AKAP6: variants seen among roughly 807,000 people sequenced by gnomAD.
AKAP6 encodes A-kinase anchor protein 6.
A neutral mutation model predicts 188.5 loss-of-function variants in AKAP6; 58 were observed. That is an observed-to-expected ratio of 0.31 (90% CI 0.25 to 0.38). AKAP6 has a LOEUF of 0.38. AKAP6 is among the 10% of genes least tolerant of loss of function. The pLI is 1.00. For missense variants in AKAP6, 2,710 were observed against 2,740.0 expected (o/e 0.99, Z 0.24); for synonymous variants, 989 against 998.6 (o/e 0.99, Z 0.18).
At position 32,824,762 on chromosome 14, in the gene AKAP6, A is replaced by G. The variant is rs2034632929; in HGVS notation, c.6949A>G (p.Met2317Val). 1 of 1,611,596 alleles carries G rather than the reference A, an allele frequency of 6.2e-7. No homozygotes were observed. Among genetic ancestry groups the G allele is most frequent in the African/African-American group, 1.3e-5 (1 of 74,746 alleles). ...CCTTCATGAAAAACGACATAGAAAT[A>G]TGCATAGGTAGAATGTACCCCCTCC... is the stretch of plus-strand genomic sequence containing the variant. Reference protein sequence around the residue: ...LNLHEKRHRNMHR With the variant: ...LNLHEKRHRNVHR Residue 2317 changes from methionine (M) to valine (V), a missense_variant, in exon 13 of 14, where the codon ATG becomes GTG. This residue lies in a region of AKAP6 where 2,473 missense variants were observed against 2,426.1 expected (regional missense o/e 1.02). Coordinates refer to ENST00000280979, the MANE Select transcript of AKAP6 (RefSeq NM_004274.5).
intron 8 of AKAP6, among the ~76,000 whole-genome samples, chr14:32,680,636 A>G (rs999054711): frequency 2.0e-5 from 3 of 152,198 alleles, no homozygotes; most frequent in Admixed American, 6.5e-5. Flanking sequence ...CAAGCATGCT[A>G]AAAAGATTAT....
At chr14:32,511,518 G>A (rs569036219) in intron 2 of AKAP6, among the ~76,000 whole-genome samples, 1 of 152,140 alleles carries the variant, frequency 6.6e-6, no homozygotes, top group African/African-American at 2.4e-5. Flanking sequence ...TGGGACTACA[G>A]GTATGTGCCA....
chr14:32,415,574 G>A (rs1889630808), intron 1 of AKAP6, among the ~76,000 whole-genome samples: 1 of 152,098 alleles, frequency 6.6e-6, no homozygotes, highest in South Asian at 2.1e-4. Flanking sequence ...GAAGTGTACA[G>A]TTCAAAGGTA....
At chr14:32,677,023 G>T (rs765498921) in intron 7 of AKAP6, among the ~76,000 whole-genome samples, 7 of 152,006 alleles carry the variant, frequency 4.6e-5, no homozygotes, top group Middle Eastern at 3.4e-3. Context: ...ACGGGGTTTC[G>T]CCATGTTGGC....
intron 2 of AKAP6, among the ~76,000 whole-genome samples, chr14:32,527,192 T>G (rs1218295193): frequency 6.6e-6 from 1 of 152,224 alleles, no homozygotes; most frequent in Admixed American, 6.5e-5. Context: ...AATAGTACGG[T>G]TTGTAGCCTT....
intron 9 of AKAP6, among the ~76,000 whole-genome samples, chr14:32,723,082 C>G (rs115515056): frequency 0.023 from 3,528 of 152,294 alleles, 120 homozygotes; most frequent in African/African-American, 0.08. Context: ...CGGGCTCCCC[C>G]TCCTGCAAGG....
rs149085996 is a variant in AKAP6 at position 32,512,938 on chromosome 14, A to C, written c.325-22616A>C. ...AGTTTATATAAACTAATTAGCAAAAATTATATGTTGCAATAAACCCTAAGG... is the reference window on the plus strand; with the variant it reads ...AGTTTATATAAACTAATTAGCAAAACTTATATGTTGCAATAAACCCTAAGG... On this transcript the variant is annotated intron_variant, in intron 2 of 13. Transcript: ENST00000280979. Among the ~76,000 whole-genome samples, 205 of 152,334 alleles carry C rather than the reference A, an allele frequency of 1.3e-3. 1 individual carries two copies. The highest frequency in any genetic ancestry group is 2.4e-3 in the Non-Finnish European group (166 of 68,032).
rs558647194 is a variant in AKAP6 at position 32,684,073 on chromosome 14, G to A, written c.2879+5614G>A. 4.6e-5 allele frequency among the ~76,000 whole-genome samples: 7 copies of A among 152,310 alleles called. 1 individual carries two copies. In the South Asian group the frequency reaches 1.5e-3, roughly 32 times the overall value. On this transcript the variant is annotated intron_variant, in intron 8 of 13. Transcript: ENST00000280979. The stretch of plus-strand genomic sequence containing the variant: ...AGAGGAAGAATAACAGGGAGGAAAA[G>A]CAGAGTATTTGAGACATAGTTCTTT...
intron 13 of AKAP6, among the ~76,000 whole-genome samples, chr14:32,826,313 G>A (rs1269730814): frequency 6.6e-6 from 1 of 152,128 alleles, no homozygotes; most frequent in Non-Finnish European, 1.5e-5. Flanking sequence ...AACAAAAGTA[G>A]GAGAGAGAGA....
At chr14:32,640,802 A>T (rs899673532) in intron 7 of AKAP6, among the ~76,000 whole-genome samples, 1 of 152,212 alleles carries the variant, frequency 6.6e-6, no homozygotes. Context: ...AATGACACAG[A>T]AATACTACTG....
At chr14:32,627,085 C>T (rs1448274251) in intron 7 of AKAP6, among the ~76,000 whole-genome samples, 3 of 152,062 alleles carry the variant, frequency 2.0e-5, no homozygotes, top group African/African-American at 7.2e-5. Context: ...TTATATATTT[C>T]CTCAGAGCAA....
intron 2 of AKAP6, among the ~76,000 whole-genome samples, chr14:32,520,838 A>C (rs1178019736): frequency 6.6e-6 from 1 of 152,208 alleles, no homozygotes; most frequent in Non-Finnish European, 1.5e-5. Context: ...TCCCTAACTC[A>C]TTTTATGAGA....
At chr14:32,573,883 C>T (rs1884607215) in intron 4 of AKAP6, among the ~76,000 whole-genome samples, 1 of 152,250 alleles carries the variant, frequency 6.6e-6, no homozygotes, top group South Asian at 2.1e-4. Flanking sequence ...TATAGAGGGG[C>T]ACTTTCTTGG....
At chr14:32,425,825 T>G (rs921957834) in intron 1 of AKAP6, among the ~76,000 whole-genome samples, 9 of 152,210 alleles carry the variant, frequency 5.9e-5, no homozygotes, top group Non-Finnish European at 7.3e-5. Context: ...ATAGTTTCTT[T>G]TGCTGTGCAG....
intron 2 of AKAP6, among the ~76,000 whole-genome samples, chr14:32,510,438 GTATA>G (rs1236692640): frequency 1.2e-5 from 1 of 84,456 alleles, no homozygotes; most frequent in Non-Finnish European, 2.5e-5. Flanking sequence ...ATATATATGT[GTATA>G]TATATATACA....
intron 9 of AKAP6, among the ~76,000 whole-genome samples, chr14:32,710,443 T>C (rs1377395109): frequency 2.0e-5 from 3 of 152,062 alleles, no homozygotes; most frequent in African/African-American, 7.2e-5. Flanking sequence ...ATAAAGTTTT[T>C]AAACATAAAA....
chr14:32,687,141 G>A (rs2139667940), intron 8 of AKAP6, among the ~76,000 whole-genome samples: 1 of 152,268 alleles, frequency 6.6e-6, no homozygotes, highest in African/African-American at 2.4e-5. Flanking sequence ...GCCTCTATAT[G>A]TGTGTGAAAG....
rs143571406 is a variant in AKAP6, at chr14:32,792,121, T to G, written c.3588+18228T>G. On this transcript the variant is annotated intron_variant, in intron 12 of 13. Coordinates refer to ENST00000280979, the MANE Select transcript of AKAP6 (RefSeq NM_004274.5). ...CTCTGTGGGCTCTTTTTTGGTTCCA[T>G]ATGAAATTTAAAGTAGTTTTTTCTA... Among the ~76,000 whole-genome samples the G allele has an allele frequency of 1.6e-3, 250 of 152,316 alleles. 2 individuals are homozygous for G. In the East Asian group the frequency reaches 0.025, roughly 15 times the overall value.
intron 5 of AKAP6, among the ~76,000 whole-genome samples, chr14:32,594,560 A>G (rs1054390492): frequency 6.6e-6 from 1 of 152,118 alleles, no homozygotes; most frequent in South Asian, 2.1e-4. Context: ...TCCTCTTTGG[A>G]TGGCATTGTG....
Sources: allele counts gnomAD v4.1 joint callset (sites outside exome capture counted in the v4.1 genomes callset), GRCh38; gene constraint gnomAD v4.1.1; regional missense constraint gnomAD v4.1.1; transcripts MANE v1.5; gene names NCBI Gene and HGNC (gene_info 2026-07-23, HGNC 2026-07-21).